The following WARS1 variants were observed in gnomAD, a reference collection of about 807,000 sequenced individuals.
WARS1 encodes the protein tryptophan--tRNA ligase, cytoplasmic.
Under a neutral mutation model 47.8 loss-of-function variants are expected in WARS1, and 17 were observed. That is an observed-to-expected ratio of 0.36 (90% CI 0.24 to 0.53). The LOEUF is 0.53. WARS1 is among the 20% of genes least tolerant of loss of function. The pLI is 0.91. For synonymous variants in WARS1, 208 were observed against 228.1 expected (o/e 0.91, Z 0.79); for missense variants, 434 against 608.0 (o/e 0.71, Z 3.01).
intron 3 of WARS1, 40 bp downstream of exon 3, chr14:100,361,668 A>G: frequency 1.3e-6 from 2 of 1,599,168 alleles, no homozygotes; most frequent in Non-Finnish European, 1.7e-6. Flanking sequence ...ACCACTTCTA[A>G]AAGTTGCAGC....
At position 100,337,888 on chromosome 14, in the gene WARS1, A is replaced by G. The variant is rs541248586; in HGVS notation, c.1114-686T>C. On this transcript the variant is annotated intron_variant, in intron 9 of 10. Transcript: ENST00000392882. ...TAATAAAAACTAAAAAAATAAATAA[A>G]TAAAAGAAAAAGGATGAGTAAGTCA... Among the ~76,000 whole-genome samples, 3 of 152,216 alleles carry G rather than the reference A, an allele frequency of 2.0e-5. No homozygotes were observed. The East Asian group carries it at 5.8e-4, about 29-fold the overall frequency.
chr14:100,341,127 G>T (rs534179978), intron 9 of WARS1, among the ~76,000 whole-genome samples: 2 of 151,994 alleles, frequency 1.3e-5, no homozygotes, highest in African/African-American at 2.4e-5. Context: ...TGTTGGCCAC[G>T]CTGGTCTCGA....
At chr14:100,366,019 G>A (rs1174221640) in intron 2 of WARS1, 2 of 456,060 alleles carry the variant, frequency 4.4e-6, no homozygotes, top group Admixed American at 2.3e-5. Flanking sequence ...TCAAGAAGCA[G>A]TTATTGAGAA....
intron 9 of WARS1, 116 bp from the exon 10 acceptor site, chr14:100,337,318 C>T (rs2234528): frequency 1.3e-6 from 2 of 1,491,350 alleles, no homozygotes; most frequent in Admixed American, 1.8e-5. Flanking sequence ...ATTCTGGACC[C>T]GGGAAAGGCC....
chr14:100,361,753 C>T lies in WARS1; in HGVS notation c.268G>A (p.Val90Ile), dbSNP rs1895675114. The T allele has an allele frequency of 6.2e-7, 1 of 1,614,068 alleles. No homozygotes were observed. Among genetic ancestry groups the T allele is most frequent in the Non-Finnish European group, 8.5e-7 (1 of 1,180,044 alleles). ...ATGCCTTTTGCACTGCTTGTCTGTA[C>T]TGTCCATGGGTCCACAAAATCCTCT... ...AEEDFVDPWT[V>I]QTSSAKGIDY... Residue 90 changes from valine to isoleucine, a missense_variant, in exon 3 of 11, where the codon GTA (valine) becomes ATA (isoleucine). Physicochemically the swap from Val to Ile is conservative, Grantham distance 29. Around this residue, in one of 2 missense-constraint regions of WARS1, gnomAD observed 347 missense variants for 523.8 expected, o/e 0.66. Coordinates refer to ENST00000392882, the MANE Select transcript of WARS1 (RefSeq NM_004184.4).
intron 7 of WARS1, among the ~76,000 whole-genome samples, chr14:100,345,483 C>T (rs1200946531): frequency 1.3e-5 from 2 of 151,764 alleles, no homozygotes; most frequent in Non-Finnish European, 2.9e-5. Context: ...TAAGAGTCAT[C>T]ACCACTCCCT....
intron 4 of WARS1, among the ~76,000 whole-genome samples, chr14:100,355,018 C>G (rs756297351): frequency 1.3e-5 from 2 of 152,132 alleles, no homozygotes; most frequent in Non-Finnish European, 2.9e-5. Context: ...GAATTGTCCT[C>G]TGGGAGTTCA....
At chr14:100,368,316 G>A (rs1299243337) in intron 2 of WARS1, 1 of 405,086 alleles carries the variant, frequency 2.5e-6, no homozygotes, top group Non-Finnish European at 5.0e-6. Context: ...ATCCGTGATG[G>A]TTCAGCTGTC....
rs1246331724 is a variant in WARS1 at position 100,373,261 on chromosome 14, T to C, written c.-74+2022A>G. On this transcript the variant is annotated intron_variant, in intron 1 of 10. Transcript: ENST00000392882. This position sits in a 1 kb window ranked among gnomAD's most constrained non-coding sequence, Gnocchi z 4.4. ...TTACTTGTTCCAGTTGAAGACTGAT[T>C]CCCCCAGCTGGACTTTAGATGGCCT... Among the ~76,000 whole-genome samples, 1 of 152,206 alleles carries C rather than the reference T, an allele frequency of 6.6e-6. No individual in the cohort carries two copies. Among genetic ancestry groups the C allele is most frequent in the Non-Finnish European group, 1.5e-5 (1 of 68,026 alleles).
In WARS1 at chr14:100,369,137, C is replaced by T. The variant is rs147088390; in HGVS notation, c.49G>A (p.Ala17Thr). The T allele has an allele frequency of 8.3e-6, 13 of 1,569,216 alleles. No individual in the cohort carries two copies. The East Asian group carries it at 9.3e-5, about 11-fold the overall frequency. Residue 17 changes from alanine to threonine, a missense_variant, in exon 2 of 11, where the codon GCC (alanine) becomes ACC (threonine). By Grantham distance (58) the Ala-to-Thr change is moderately conservative. This residue lies in a region of WARS1 where 87 missense variants were observed against 84.2 expected (regional missense o/e 1.03). Transcript: ENST00000392882. The part of the protein sequence containing the change: ...ASLLELFNSI[A>T]TQGELVRSLK... ...GACCTTACGAGCTCCCCTTGTGTGGCGATGCTGTTGAACAGCTCCAGCAGA... is the reference window on the plus strand; with the variant it reads ...GACCTTACGAGCTCCCCTTGTGTGGTGATGCTGTTGAACAGCTCCAGCAGA...
intron 6 of WARS1, 60 bp downstream of exon 6, chr14:100,353,627 C>T (rs1895133843): frequency 2.5e-6 from 4 of 1,574,346 alleles, no homozygotes; most frequent in Non-Finnish European, 1.7e-6. Flanking sequence ...TAGCTGTGGT[C>T]ATGACAACTT....
chr14:100,335,042 C>T lies in WARS1; in HGVS notation c.1255-6G>A, dbSNP rs1398558955. The T allele has an allele frequency of 2.5e-6, 4 of 1,610,924 alleles. No individual in the cohort carries two copies. The highest frequency in any genetic ancestry group is 2.2e-5 in the East Asian group (1 of 44,810). On this transcript the variant is annotated splice_polypyrimidine_tract_variant and splice_region_variant and intron_variant, in intron 10 of 10. Transcript: ENST00000392882. The stretch of plus-strand genomic sequence containing the variant: ...ATGGCTCCGCTGGTGTAATCCTGCC[C>T]GGAGGGAGACAGCCACGTGAGAGAT...
At chr14:100,375,010 T>G (rs982616823) in intron 1 of WARS1, 1 of 152,194 alleles carries the variant, frequency 6.6e-6, no homozygotes, top group African/African-American at 2.4e-5. Flanking sequence ...CGTTCTGATG[T>G]TGAGCACAGA....
chr14:100,371,454 A>AAAAAAAAAAAAAAAAAAAAAAAAAAAAAC (rs1161396022), intron 1 of WARS1, among the ~76,000 whole-genome samples: 1 of 63,590 alleles, frequency 1.6e-5, no homozygotes, highest in Non-Finnish European at 2.9e-5. Flanking sequence ...TCTCAAAAAA[A>AAAAAAAAAAAAAAAAAAAAAAAAAAAAAC]AAAAAAAAAA....
chr14:100,363,054 G>T (rs1244835540), intron 2 of WARS1, among the ~76,000 whole-genome samples: 1 of 152,184 alleles, frequency 6.6e-6, no homozygotes. Flanking sequence ...AGTTAAGTAT[G>T]TTCCACCCAT....
chr14:100,345,191 A>G (rs1447717447), intron 7 of WARS1, among the ~76,000 whole-genome samples: 1 of 150,418 alleles, frequency 6.6e-6, no homozygotes, highest in Non-Finnish European at 1.5e-5. Context: ...CTCATTGAGA[A>G]CGGGCCATGA....
At position 100,342,430 on chromosome 14, in the gene WARS1, G is replaced by A; in HGVS notation, c.1081C>T (p.Leu361Phe). 6.2e-7 allele frequency: 1 copy of A among 1,614,094 alleles called. No homozygotes were observed. Reference protein sequence around the residue: ...SASDPNSSIFLTDTAKQIKTK... With the variant: ...SASDPNSSIFFTDTAKQIKTK... ...TTGATCTGCTTGGCCGTGTCGGTGA[G>A]GAAGATGGAGGAGTTGGGGTCGCTG... is the stretch of plus-strand genomic sequence containing the variant. The change falls in exon 9 of 11, where the codon CTC becomes TTC. Residue 361 changes from leucine (L) to phenylalanine (F), a missense_variant. Transcript: ENST00000392882.
intron 7 of WARS1, among the ~76,000 whole-genome samples, chr14:100,344,772 G>A (rs1319398129): frequency 5.9e-5 from 9 of 151,684 alleles, no homozygotes; most frequent in South Asian, 2.1e-4. Flanking sequence ...CTACCCGGCC[G>A]CGACCCCATC....
In WARS1 at chr14:100,353,669, C is replaced by A. The variant is rs956867388; in HGVS notation, c.725+18G>T. The A allele has an allele frequency of 3.1e-6, 5 of 1,611,000 alleles. No individual in the cohort carries two copies. The African/African-American group carries it at 5.3e-5, about 17-fold the overall frequency. ...CTCCTCTACCTATTGAAAAGGCAGCCAGACGTTTTCTCCTTACCCCATGTA... is the reference window on the plus strand; with the variant it reads ...CTCCTCTACCTATTGAAAAGGCAGCAAGACGTTTTCTCCTTACCCCATGTA... On this transcript the variant is annotated intron_variant, in intron 6 of 10. Transcript: ENST00000392882.
Sources: allele counts gnomAD v4.1 joint callset (sites outside exome capture counted in the v4.1 genomes callset), GRCh38; gene constraint gnomAD v4.1.1; regional missense constraint gnomAD v4.1.1; non-coding constraint Gnocchi (gnomAD v3.1); transcripts MANE v1.5; gene names NCBI Gene and HGNC (gene_info 2026-07-23, HGNC 2026-07-21).